Variants in F13A1 observed in about 807,000 individuals in gnomAD.
F13A1 encodes FSF, A subunit.
A neutral mutation model predicts 80.1 loss-of-function variants in F13A1; 47 were observed. That is an observed-to-expected ratio of 0.59 (90% CI 0.46 to 0.75). The LOEUF is 0.75. Ranked by LOEUF, F13A1 falls within the 30% of genes least tolerant of loss-of-function variation. The pLI is 0.00. For synonymous variants in F13A1, 349 were observed against 344.9 expected (o/e 1.01, Z -0.13); for missense variants, 817 against 930.4 (o/e 0.88, Z 1.59).
At chr6:6,265,297 G>A (rs1249352450) in intron 4 of F13A1, among the ~76,000 whole-genome samples, 1 of 152,154 alleles carries the variant, frequency 6.6e-6, no homozygotes, top group East Asian at 1.9e-4. Context: ...TTAGAGAGCA[G>A]TGCATATGGG....
At chr6:6,202,097 G>T (rs1284793339) in intron 8 of F13A1, among the ~76,000 whole-genome samples, 1 of 150,798 alleles carries the variant, frequency 6.6e-6, no homozygotes, top group Non-Finnish European at 1.5e-5. Flanking sequence ...TTTTTGTGGT[G>T]CAAACATTTG....
At chr6:6,210,476 C>A in intron 8 of F13A1, among the ~76,000 whole-genome samples, 1 of 139,002 alleles carries the variant, frequency 7.2e-6, no homozygotes, top group South Asian at 2.4e-4. Flanking sequence ...TCCAGAGTAG[C>A]TGGGACTACA....
At chr6:6,175,667 G>C (rs1197277527) in intron 11 of F13A1, among the ~76,000 whole-genome samples, 1 of 152,176 alleles carries the variant, frequency 6.6e-6, no homozygotes, top group Non-Finnish European at 1.5e-5. Context: ...ACACCTCTTT[G>C]CCTTTCTTTA....
chr6:6,232,470 T>G (rs1157154018), intron 6 of F13A1, among the ~76,000 whole-genome samples: 4 of 151,958 alleles, frequency 2.6e-5, no homozygotes, highest in Non-Finnish European at 5.9e-5. Context: ...CAAATAGACC[T>G]AAGAAATGAG....
chr6:6,157,356 G>T (rs1760494191), intron 13 of F13A1, among the ~76,000 whole-genome samples: 1 of 152,034 alleles, frequency 6.6e-6, no homozygotes, highest in Non-Finnish European at 1.5e-5. Flanking sequence ...ATAAATCCAG[G>T]TCTTTCTGAC....
intron 14 of F13A1, among the ~76,000 whole-genome samples, chr6:6,146,965 T>C (rs1003699786): frequency 6.6e-6 from 1 of 152,190 alleles, no homozygotes; most frequent in Non-Finnish European, 1.5e-5. Context: ...CATGGAATAC[T>C]ACTCAGCCAT....
At chr6:6,303,758 T>C (rs1160765287) in intron 3 of F13A1, among the ~76,000 whole-genome samples, 1 of 152,202 alleles carries the variant, frequency 6.6e-6, no homozygotes, top group Non-Finnish European at 1.5e-5. Context: ...CTCATGTTTT[T>C]TATTAAGATT....
chr6:6,258,803 T>A (rs1757737835), intron 4 of F13A1, among the ~76,000 whole-genome samples: 3 of 152,188 alleles, frequency 2.0e-5, no homozygotes, highest in Admixed American at 1.3e-4. Context: ...TTCATAAAAA[T>A]TCAATTAACC....
In F13A1 at chr6:6,266,628, G is replaced by A. The variant is rs1253093815; in HGVS notation, c.501C>T (p.Pro167=). The A allele has an allele frequency of 1.2e-6, 2 of 1,614,206 alleles. No homozygotes were observed. Among genetic ancestry groups the A allele is most frequent in the Admixed American group, 1.7e-5 (1 of 60,028 alleles). Residue 167 remains proline, a synonymous_variant, in exon 4 of 15, where the codon CCC becomes CCT. Coordinates refer to ENST00000264870, the MANE Select transcript of F13A1 (RefSeq NM_000129.4). The stretch of plus-strand genomic sequence containing the variant: ...TTCGACTGGTTCGAAGTACGCCATA[G>A]GGAGTCCAGACAGCAACATACATGC... ...KFRMYVAVWT[P]YGVLRTSRNP...
At chr6:6,208,687 C>G (rs1761539404) in intron 8 of F13A1, among the ~76,000 whole-genome samples, 1 of 151,932 alleles carries the variant, frequency 6.6e-6, no homozygotes, top group Non-Finnish European at 1.5e-5. Flanking sequence ...CTGAGTGAAA[C>G]AAAGAATCTT....
intron 12 of F13A1, among the ~76,000 whole-genome samples, chr6:6,173,321 G>A (rs1479892188): frequency 1.3e-5 from 2 of 152,102 alleles, no homozygotes; most frequent in Non-Finnish European, 2.9e-5. Context: ...GGACGAGAAA[G>A]AGGCCCCACA....
chr6:6,276,662 G>A (rs547854789), intron 3 of F13A1, among the ~76,000 whole-genome samples: 12 of 136,808 alleles, frequency 8.8e-5, no homozygotes, highest in Non-Finnish European at 9.4e-5. Flanking sequence ...AACCCAGGTC[G>A]GCTTGGTCCA....
chr6:6,220,579 G>A (rs146930269), intron 8 of F13A1, among the ~76,000 whole-genome samples: 5 of 151,946 alleles, frequency 3.3e-5, no homozygotes, highest in Admixed American at 1.3e-4. Flanking sequence ...GTGTGTGTGT[G>A]TGTGTGTCTG....
chr6:6,151,523 A>G (rs535645445), intron 14 of F13A1, among the ~76,000 whole-genome samples: 9 of 151,986 alleles, frequency 5.9e-5, no homozygotes, highest in Non-Finnish European at 1.0e-4. Flanking sequence ...TAAACTGTGT[A>G]ACTGAACCTG....
chr6:6,293,773 GT>G (rs1758268168), intron 3 of F13A1, among the ~76,000 whole-genome samples: 1 of 123,088 alleles, frequency 8.1e-6, no homozygotes. Flanking sequence ...AATGGAGGGA[GT>G]GAGAGAGAGA....
chr6:6,202,191 C>T (rs953738946), intron 8 of F13A1, among the ~76,000 whole-genome samples: 3 of 150,824 alleles, frequency 2.0e-5, no homozygotes, highest in Non-Finnish European at 4.4e-5. Flanking sequence ...ATCTCAAACA[C>T]TTATTCCTTC....
chr6:6,265,338 T>G (rs1440317929), intron 4 of F13A1, among the ~76,000 whole-genome samples: 2 of 152,178 alleles, frequency 1.3e-5, no homozygotes. Context: ...TCCTGCCCCA[T>G]GTGAGCTTTC....
At chr6:6,267,067 C>T (rs930141747) in intron 3 of F13A1, among the ~76,000 whole-genome samples, 2 of 152,142 alleles carry the variant, frequency 1.3e-5, no homozygotes, top group East Asian at 1.9e-4. Flanking sequence ...AACAGTGCTC[C>T]ATTGTAACCT....
intron 12 of F13A1, among the ~76,000 whole-genome samples, chr6:6,171,035 A>G (rs1227209915): frequency 1.3e-5 from 2 of 152,114 alleles, no homozygotes; most frequent in Non-Finnish European, 2.9e-5. Context: ...GATGACTGAG[A>G]GAATGATATC....
Sources: gnomAD v4.1 joint callset for allele counts (sites outside exome capture counted in the v4.1 genomes callset) on GRCh38, gnomAD v4.1.1 for gene constraint, MANE v1.5 for transcripts, NCBI Gene and HGNC (gene_info 2026-07-23, HGNC 2026-07-21) for gene names.